PLEKHA5: variants seen among roughly 807,000 people sequenced by gnomAD.
PLEKHA5 encodes the protein pleckstrin homology domain-containing family A member 5.
PLEKHA5 carries 55 observed loss-of-function variants against 181.9 expected under a neutral mutation model. The ratio of observed to expected loss-of-function variants is 0.30; its 90% CI spans 0.24 to 0.38. The LOEUF (loss-of-function observed/expected upper bound fraction) is 0.38, where lower values mean the gene tolerates loss of function less well. Ranked by LOEUF, PLEKHA5 falls within the 10% of genes least tolerant of loss-of-function variation. The pLI is 1.00. For missense variants in PLEKHA5, 1,432 were observed against 1,549.5 expected (o/e 0.92, Z 1.27); for synonymous variants, 535 against 529.4 (o/e 1.01, Z -0.15).
chr12:19,329,072 C>A (rs749048033), intron 20 of PLEKHA5, among the ~76,000 whole-genome samples: 1 of 152,070 alleles, frequency 6.6e-6, no homozygotes, highest in Non-Finnish European at 1.5e-5. Context: ...TATCAAAAGC[C>A]TTTTCCATGT....
intron 21 of PLEKHA5, among the ~76,000 whole-genome samples, chr12:19,342,817 A>G (rs923879685): frequency 6.6e-6 from 1 of 152,162 alleles, no homozygotes; most frequent in African/African-American, 2.4e-5. Context: ...AAACTCTGTC[A>G]GTCAAAATTC....
chr12:19,345,916 A>AATTTAT, intron 23 of PLEKHA5, 28 bp downstream of exon 23: 1 of 1,145,970 alleles, frequency 8.7e-7, no homozygotes, highest in Non-Finnish European at 1.3e-6. Context: ...TTCTAATTAT[A>AATTTAT]AATTACTTTT....
intron 3 of PLEKHA5, among the ~76,000 whole-genome samples, chr12:19,161,546 C>T (rs1318172408): frequency 6.6e-6 from 1 of 152,148 alleles, no homozygotes; most frequent in East Asian, 1.9e-4. Context: ...TGTGGGCATC[C>T]CACAGAATTC....
At chr12:19,232,718 C>T (rs2060821601) in intron 3 of PLEKHA5, among the ~76,000 whole-genome samples, 1 of 152,022 alleles carries the variant, frequency 6.6e-6, no homozygotes, top group South Asian at 2.1e-4. Flanking sequence ...GTTACTGTTT[C>T]TAAGAGTTGC....
intron 15 of PLEKHA5, among the ~76,000 whole-genome samples, chr12:19,308,757 G>C (rs1449453076): frequency 2.6e-5 from 4 of 152,098 alleles, no homozygotes; most frequent in Non-Finnish European, 5.9e-5. Flanking sequence ...CATTTGAAAT[G>C]ATAATCCGGC....
chr12:19,263,711 A>G (rs1180732691), intron 7 of PLEKHA5, among the ~76,000 whole-genome samples: 2 of 152,200 alleles, frequency 1.3e-5, no homozygotes, highest in Non-Finnish European at 2.9e-5. Flanking sequence ...GTCCCAGCTC[A>G]TCTTCCCTAC....
intron 3 of PLEKHA5, chr12:19,151,571 C>T (rs946546121): frequency 1.3e-5 from 2 of 152,056 alleles, no homozygotes; most frequent in Admixed American, 1.3e-4. Context: ...ATTGTGAACT[C>T]TTAATAGCTT....
chr12:19,264,788 CAA>C (rs1248168835), intron 7 of PLEKHA5, among the ~76,000 whole-genome samples: 1 of 20,910 alleles, frequency 4.8e-5, no homozygotes, highest in Non-Finnish European at 1.2e-3. Context: ...TTAGGAAAAA[CAA>C]AAAAGTCACA....
chr12:19,279,966 ATTATGCCGGCAG>A (rs1419582171), intron 11 of PLEKHA5, among the ~76,000 whole-genome samples: 1 of 151,364 alleles, frequency 6.6e-6, no homozygotes, highest in African/African-American at 2.4e-5. Flanking sequence ...ATAGACACAA[ATTATGCCGGCAG>A]TTTATTAATT....
chr12:19,220,969 A>C (rs1357775869), intron 3 of PLEKHA5, among the ~76,000 whole-genome samples: 1 of 152,194 alleles, frequency 6.6e-6, no homozygotes, highest in Non-Finnish European at 1.5e-5. Context: ...ACTACTACAC[A>C]CCCATTAAAA....
intron 30 of PLEKHA5, among the ~76,000 whole-genome samples, chr12:19,368,217 G>A (rs1344891155): frequency 6.6e-6 from 1 of 152,186 alleles, no homozygotes; most frequent in African/African-American, 2.4e-5. Flanking sequence ...TGAGCTGGGT[G>A]CAGTGGCTCA....
At chr12:19,357,412 A>AT (rs2095004546) in intron 26 of PLEKHA5, among the ~76,000 whole-genome samples, 1 of 150,196 alleles carries the variant, frequency 6.7e-6, no homozygotes, top group Non-Finnish European at 1.5e-5. Context: ...GCCTGGCTAA[A>AT]TTTTTTGTAC....
intron 11 of PLEKHA5, 121 bp downstream of exon 11, chr12:19,275,104 T>C (rs1215687771): frequency 1.6e-6 from 1 of 635,792 alleles, no homozygotes; most frequent in African/African-American, 1.8e-5. Context: ...TATAGCTTCA[T>C]TACTACGTCT....
At chr12:19,291,444 T>G (rs1038501397) in intron 14 of PLEKHA5, among the ~76,000 whole-genome samples, 200 bp from the exon 15 acceptor site, 3 of 152,254 alleles carry the variant, frequency 2.0e-5, no homozygotes, top group African/African-American at 7.2e-5. Context: ...TCTACGTAAT[T>G]TCTTACAAAA....
chr12:19,274,666 A>G lies in PLEKHA5; in HGVS notation c.996A>G (p.Lys332=), dbSNP rs1024839990. 3.7e-6 allele frequency: 6 copies of G among 1,613,962 alleles called. No homozygotes were observed. In the Admixed American group the frequency reaches 8.3e-5, roughly 22 times the overall value. Residue 332 remains lysine (K), a synonymous_variant, in exon 11 of 32, where the codon AAA becomes AAG. Transcript: ENST00000429027. ...IEEKKALEAE[K]YGFQKDGQDR... ...AAAAAAAGGCATTAGAAGCTGAAAA[A>G]TATGGATTTCAGAAGGATGGTCAAG...
rs1224489097 is a variant in PLEKHA5 at position 19,182,431 on chromosome 12, A to T, written c.227+49981A>T. Among the ~76,000 whole-genome samples the T allele has an allele frequency of 3.3e-5, 5 of 152,190 alleles. No individual in the cohort carries two copies. The East Asian group carries it at 9.6e-4, about 29-fold the overall frequency. ...TTCTTGCAAAGGTGTTGTATATGGGAACTTTAAAATGAATGACAAAATTTA... is the reference window on the plus strand; with the variant it reads ...TTCTTGCAAAGGTGTTGTATATGGGTACTTTAAAATGAATGACAAAATTTA... On this transcript the variant is annotated intron_variant, in intron 3 of 31. Transcript: ENST00000429027.
In PLEKHA5 at chr12:19,347,156, G is replaced by C. The variant is rs1467344407; in HGVS notation, c.2872G>C (p.Gly958Arg). The part of the protein sequence containing the change: ...PEEKKMYQVQ[G>R]YPRNGSHCGP... ...AGAAAAGAAGATGTATCAAGTTCAA[G>C]GATATCCAAGAAATGGATCTCACTG... The change falls in exon 24 of 32, where the codon GGA becomes CGA. Residue 958 changes from glycine to arginine, a missense_variant. This residue lies in a region of PLEKHA5 where 1,143 missense variants were observed against 1,168.4 expected (regional missense o/e 0.98). Transcript: ENST00000429027. 6.5e-7 allele frequency: 1 copy of C among 1,548,050 alleles called. No individual in the cohort carries two copies. Among genetic ancestry groups the C allele is most frequent in the Admixed American group, 2.0e-5 (1 of 50,816 alleles).
intron 3 of PLEKHA5, among the ~76,000 whole-genome samples, chr12:19,237,817 T>C (rs897640280): frequency 6.6e-6 from 1 of 151,964 alleles, no homozygotes; most frequent in Non-Finnish European, 1.5e-5. Flanking sequence ...TGTAAATTGA[T>C]TTTGTTGTTT....
rs2095702217 is a variant in PLEKHA5 at position 19,376,139 on chromosome 12, ATCTTT to A, written c.*625_*629del. On this transcript the variant is annotated 3_prime_UTR_variant, in exon 32 of 32. Transcript: ENST00000429027. ...AGCTTAAACACAAATGTTACTGCTTATCTTTTCTTAAAAAAAAAAAAAACAAAGTG... is the reference window on the plus strand; with the variant it reads ...AGCTTAAACACAAATGTTACTGCTTATCTTAAAAAAAAAAAAAACAAAGTG... 6.7e-6 allele frequency: 1 copy of A among 149,052 alleles called. No individual in the cohort carries two copies. Among genetic ancestry groups the A allele is most frequent in the Non-Finnish European group, 1.5e-5 (1 of 67,016 alleles). The allele number at this position is 149,052 out of a possible 1,614,324, so 9.2% of individuals were successfully genotyped here. A position where few individuals can be genotyped will look rare whatever the true frequency, so the allele number is the denominator to read the frequency against.
Sources: gnomAD v4.1 joint callset for allele counts (sites outside exome capture counted in the v4.1 genomes callset) on GRCh38, gnomAD v4.1.1 for gene constraint, gnomAD v4.1.1 regional missense constraint, MANE v1.5 for transcripts, NCBI Gene and HGNC (gene_info 2026-07-23, HGNC 2026-07-21) for gene names.